Variants in DHRS12 observed in about 807,000 individuals in gnomAD.
DHRS12 encodes the protein dehydrogenase/reductase 12.
A neutral mutation model predicts 32.1 loss-of-function variants in DHRS12; 29 were observed. The ratio of observed to expected loss-of-function variants is 0.90; its 90% CI spans 0.67 to 1.23. DHRS12 has a LOEUF of 1.23. DHRS12 is among the 50% of genes most tolerant of loss of function. DHRS12 has a pLI of 0.00. For missense variants in DHRS12, 330 were observed against 337.2 expected (o/e 0.98, Z 0.17); for synonymous variants, 150 against 135.9 (o/e 1.10, Z -0.72).
chr13:51,757,744 G>GTGAAAAAGGAAAAA, the DHRS12 span, among the ~76,000 whole-genome samples: 2 of 151,444 alleles, frequency 1.3e-5, no homozygotes, highest in Non-Finnish European at 2.9e-5. Context: ...AGTCATACCA[G>GTGAAAAAGGAAAAA]TGAAAAAGGA....
intron 7 of DHRS12, 78 bp from the exon 8 acceptor site, chr13:51,769,371 AAAAAAAGT>A (rs1199051720): frequency 1.7e-5 from 21 of 1,214,788 alleles, no homozygotes; most frequent in Non-Finnish European, 2.3e-5. Flanking sequence ...TTTAAAAAAA[AAAAAAAGT>A]GCAAAAATGA....
intron 4 of DHRS12, among the ~76,000 whole-genome samples, chr13:51,785,803 T>C (rs1954928533): frequency 6.6e-6 from 1 of 152,244 alleles, no homozygotes; most frequent in African/African-American, 2.4e-5. Flanking sequence ...TAGCTGATGA[T>C]ACAACCCTAC....
At chr13:51,769,349 G>T (rs1206093551) in intron 7 of DHRS12, 56 bp from the exon 8 acceptor site, 8 of 1,280,342 alleles carry the variant, frequency 6.2e-6, no homozygotes, top group Non-Finnish European at 8.2e-6. Flanking sequence ...AAATGTGGTT[G>T]ACTTCCCTTA....
At chr13:51,755,685 T>G in the DHRS12 span, among the ~76,000 whole-genome samples, 2 of 152,184 alleles carry the variant, frequency 1.3e-5, no homozygotes, top group Admixed American at 1.3e-4. Context: ...GGATGTGATT[T>G]TAGAATTCTG....
chr13:51,757,126 C>A, the DHRS12 span, among the ~76,000 whole-genome samples: 3 of 152,082 alleles, frequency 2.0e-5, no homozygotes, highest in African/African-American at 7.3e-5. Flanking sequence ...TCTTCTCAAT[C>A]CTTCCAGCAC....
At chr13:51,804,019 AGCCCGGGGCCCC>A (rs914811965) in intron 1 of DHRS12, 23 bp downstream of exon 1, 4 of 1,451,060 alleles carry the variant, frequency 2.8e-6, no homozygotes, top group Non-Finnish European at 3.6e-6. Flanking sequence ...GCCACGTGAC[AGCCCGGGGCCCC>A]GCGCCCCGCC....
At chr13:51,781,910 G>A (rs1186511964) in intron 4 of DHRS12, among the ~76,000 whole-genome samples, 5 of 152,172 alleles carry the variant, frequency 3.3e-5, no homozygotes, top group Non-Finnish European at 7.3e-5. Flanking sequence ...GGGTACAGGA[G>A]GGCACCTAGG....
chr13:51,786,264 C>T (rs192894645), intron 4 of DHRS12, among the ~76,000 whole-genome samples: 1 of 152,304 alleles, frequency 6.6e-6, no homozygotes, highest in East Asian at 1.9e-4. Flanking sequence ...TCAGTGTCCT[C>T]GTCTTGTGTC....
At chr13:51,783,563 G>C (rs889525908) in intron 4 of DHRS12, among the ~76,000 whole-genome samples, 1 of 152,046 alleles carries the variant, frequency 6.6e-6, no homozygotes, top group Non-Finnish European at 1.5e-5. Context: ...ATGTAACTAC[G>C]CATTAGACTG....
At chr13:51,758,944 GA>G in the DHRS12 span, among the ~76,000 whole-genome samples, 1 of 152,148 alleles carries the variant, frequency 6.6e-6, no homozygotes, top group African/African-American at 2.4e-5. Context: ...AGCCCTTTGG[GA>G]GGTGAGACGG....
the DHRS12 span, among the ~76,000 whole-genome samples, chr13:51,757,372 A>T: frequency 1.3e-5 from 2 of 152,188 alleles, no homozygotes; most frequent in East Asian, 3.8e-4. Context: ...AGGGACTTAC[A>T]GTTAAGCCTA....
chr13:51,772,820 G>A (rs1954093396), intron 6 of DHRS12: 1 of 985,342 alleles, frequency 1.0e-6, no homozygotes, highest in African/African-American at 1.7e-5. Flanking sequence ...CTGTAAAGAA[G>A]TGCAGGTCTT....
chr13:51,799,687 A>G lies in DHRS12; in HGVS notation c.-8-20T>C. The G allele has an allele frequency of 1.9e-6, 3 of 1,612,148 alleles. No homozygotes were observed. Among genetic ancestry groups the G allele is most frequent in the Non-Finnish European group, 2.5e-6 (3 of 1,179,604 alleles). On this transcript the variant is annotated intron_variant, in intron 1 of 8. Transcript: ENST00000444610. Reference sequence around the variant, plus strand: ...CCACTCCTAGAAAGAGGAGACCCACAGGAAGACCAGCTGTAAGGAGTGGGG... The same window carrying G: ...CCACTCCTAGAAAGAGGAGACCCACGGGAAGACCAGCTGTAAGGAGTGGGG...
In DHRS12 at chr13:51,791,243, G is replaced by A. The variant is rs1429022397; in HGVS notation, c.141C>T (p.His47=). Residue 47 remains histidine (H), a synonymous_variant, in exon 3 of 9, where the codon CAC becomes CAT. Coordinates refer to ENST00000444610, the MANE Select transcript of DHRS12 (RefSeq NM_001377533.1). ...LKSPSENIFL[H]IVDLSDPKQI... ...GCTTGGGATCAGACAAGTCCACAAT[G>A]TGCAGAAAAATGTTCTAAATTAGAA... is the stretch of plus-strand genomic sequence containing the variant. 2 of 1,498,180 alleles carry A rather than the reference G, an allele frequency of 1.3e-6. No homozygotes were observed. Among genetic ancestry groups the A allele is most frequent in the Non-Finnish European group, 1.8e-6 (2 of 1,117,372 alleles). The allele number at this position is 1,498,180 out of a possible 1,614,324, so 92.8% of individuals were successfully genotyped here.
At chr13:51,790,488 T>C (rs1215610783) in intron 3 of DHRS12, among the ~76,000 whole-genome samples, 1 of 152,192 alleles carries the variant, frequency 6.6e-6, no homozygotes, top group Non-Finnish European at 1.5e-5. Context: ...ATAGCATCAT[T>C]TTAACATGTA....
intron 2 of DHRS12, chr13:51,797,845 A>G (rs963969089): frequency 1.6e-5 from 24 of 1,535,462 alleles, no homozygotes; most frequent in Non-Finnish European, 2.1e-5. Flanking sequence ...GCTCTCCCGG[A>G]TGATCTCACC....
intron 2 of DHRS12, chr13:51,797,740 C>G: frequency 7.3e-7 from 1 of 1,379,048 alleles, no homozygotes; most frequent in South Asian, 1.3e-5. Context: ...CCTCTTCAAC[C>G]CAGGGAAAGC....
the DHRS12 span, chr13:51,762,108 A>C: frequency 6.6e-6 from 1 of 152,250 alleles, no homozygotes; most frequent in Non-Finnish European, 1.5e-5. Context: ...TGTGTGTTGG[A>C]AATGAGTAAT....
chr13:51,776,901 C>T (rs2296026), intron 5 of DHRS12, among the ~76,000 whole-genome samples, 159 bp downstream of exon 5: 56,555 of 151,998 alleles, frequency 0.37, 12,934 homozygotes, highest in Non-Finnish European at 0.52. Context: ...TCTTGGCATG[C>T]CTCCACTTCC....
Sources: allele counts gnomAD v4.1 joint callset (sites outside exome capture counted in the v4.1 genomes callset), GRCh38; gene constraint gnomAD v4.1.1; transcripts MANE v1.5; gene names NCBI Gene and HGNC (gene_info 2026-07-23, HGNC 2026-07-21).